The following C12orf56 variants were observed in gnomAD, a reference collection of about 807,000 sequenced individuals.
C12orf56 encodes uncharacterized protein C12orf56.
A neutral mutation model predicts 69.9 loss-of-function variants in C12orf56; 71 were observed. The observed-to-expected ratio is 1.02, with a 90% CI of 0.84 to 1.24. The LOEUF is 1.24. C12orf56 is among the 50% of genes most tolerant of loss of function. The pLI is 0.00. For missense variants in C12orf56, 732 were observed against 738.5 expected (o/e 0.99, Z 0.10); for synonymous variants, 276 against 274.1 (o/e 1.01, Z -0.07).
chr12:64,375,227 T>C (rs1045663870), intron 1 of C12orf56, among the ~76,000 whole-genome samples: 1 of 151,978 alleles, frequency 6.6e-6, no homozygotes, highest in Non-Finnish European at 1.5e-5. Context: ...CCAGCTAATT[T>C]TGTATTTTTA....
chr12:64,351,110 T>C (rs1449267379), intron 2 of C12orf56, among the ~76,000 whole-genome samples: 1 of 152,204 alleles, frequency 6.6e-6, no homozygotes, highest in Non-Finnish European at 1.5e-5. Context: ...ATTCTAGTTC[T>C]GAGAAACTAT....
chr12:64,314,640 A>G (rs2038666161), intron 4 of C12orf56, among the ~76,000 whole-genome samples: 1 of 151,070 alleles, frequency 6.6e-6, no homozygotes, highest in African/African-American at 2.4e-5. Flanking sequence ...CACTGCAGAC[A>G]AGCTTTTTTT....
chr12:64,340,871 A>G (rs2039065787), intron 2 of C12orf56, among the ~76,000 whole-genome samples: 1 of 152,094 alleles, frequency 6.6e-6, no homozygotes, highest in African/African-American at 2.4e-5. Flanking sequence ...CCAAACCTTC[A>G]TTCATGAAGG....
At position 64,390,648 on chromosome 12, in the gene C12orf56, C is replaced by A. The variant is rs1344591512; in HGVS notation, c.-83G>T. On this transcript the variant is annotated 5_prime_UTR_variant, in exon 1 of 13. Transcript: ENST00000543942. ...CCCCGCCCCCGCGCTGGAACCCGCG[C>A]GCCACAAAGCCGCCGGCCACGCGTC... is the stretch of plus-strand genomic sequence containing the variant. 10 of 1,372,532 alleles carry A rather than the reference C, an allele frequency of 7.3e-6. No homozygotes were observed. In the East Asian group the frequency reaches 8.9e-5, roughly 12 times the overall value. 85.0% of individuals were successfully genotyped at this position (1,372,532 alleles called of 1,614,324 possible). A position where few individuals can be genotyped will look rare whatever the true frequency, so the allele number is the denominator to read the frequency against.
chr12:64,265,953 C>T lies in C12orf56; in HGVS notation c.*1230G>A, dbSNP rs2037916617. On this transcript the variant is annotated 3_prime_UTR_variant, in exon 13 of 13. Transcript: ENST00000543942. Reference sequence around the variant, plus strand: ...TTCATAGAGACTCTATGGGACTACACAAATTAGCCCACAGATGCCTGAAAC... The same window carrying T: ...TTCATAGAGACTCTATGGGACTACATAAATTAGCCCACAGATGCCTGAAAC... 6.6e-6 allele frequency: 1 copy of T among 152,230 alleles called. No homozygotes were observed. Among genetic ancestry groups the T allele is most frequent in the Non-Finnish European group, 1.5e-5 (1 of 68,030 alleles). The allele number at this position is 152,230 out of a possible 1,614,324, so 9.4% of individuals were successfully genotyped here.
chr12:64,297,472 T>G (rs1038022693), intron 6 of C12orf56, among the ~76,000 whole-genome samples: 2 of 152,158 alleles, frequency 1.3e-5, no homozygotes, highest in Non-Finnish European at 2.9e-5. Flanking sequence ...CCATGGTGGT[T>G]TGCTGCACCC....
intron 5 of C12orf56, among the ~76,000 whole-genome samples, chr12:64,310,058 C>G (rs2038586084): frequency 6.6e-6 from 1 of 151,232 alleles, no homozygotes; most frequent in African/African-American, 2.4e-5. Flanking sequence ...CTCTCTGTCA[C>G]TCAGGCTGGA....
intron 2 of C12orf56, among the ~76,000 whole-genome samples, chr12:64,337,005 C>T (rs1269352187): frequency 6.6e-6 from 1 of 152,146 alleles, no homozygotes. Flanking sequence ...AAGTGACTTG[C>T]TTAAGGTCAC....
rs566525074 is a variant in C12orf56 at position 64,307,078 on chromosome 12, C to CCA, written c.969-3301_969-3300dup. The stretch of plus-strand genomic sequence containing the variant: ...CTTGCCTTCAGGAATAAATTTCAAG[C>CCA]CACACACACACAGAATTTGAGTCTG... On this transcript the variant is annotated intron_variant, in intron 5 of 12. Coordinates refer to ENST00000543942, the MANE Select transcript of C12orf56 (RefSeq NM_001170633.2). Among the ~76,000 whole-genome samples, 54 of 151,976 alleles carry CCA rather than the reference C, an allele frequency of 3.6e-4. No individual in the cohort carries two copies. The East Asian group carries it at 9.5e-3, about 27-fold the overall frequency.
intron 12 of C12orf56, among the ~76,000 whole-genome samples, chr12:64,270,153 T>C (rs2037962814): frequency 6.6e-6 from 1 of 151,856 alleles, no homozygotes; most frequent in South Asian, 2.1e-4. Context: ...ATCCCAGCAC[T>C]TTGGGAGGCT....
intron 1 of C12orf56, among the ~76,000 whole-genome samples, chr12:64,359,166 G>A (rs1208982733): frequency 6.6e-6 from 1 of 152,112 alleles, no homozygotes; most frequent in Non-Finnish European, 1.5e-5. Context: ...CAGAGGAAAG[G>A]ATAAAGTATC....
intron 3 of C12orf56, among the ~76,000 whole-genome samples, chr12:64,327,413 AC>A (rs1266772955): frequency 6.6e-6 from 1 of 152,212 alleles, no homozygotes; most frequent in African/African-American, 2.4e-5. Flanking sequence ...GCTCATATTT[AC>A]CTATGTAACA....
intron 1 of C12orf56, among the ~76,000 whole-genome samples, chr12:64,367,558 T>G (rs1327341487): frequency 6.7e-6 from 1 of 150,064 alleles, no homozygotes; most frequent in Admixed American, 6.7e-5. Flanking sequence ...CAGGCTAGAG[T>G]GCAGTGGCAT....
chr12:64,324,037 A>C (rs7957084), intron 3 of C12orf56, among the ~76,000 whole-genome samples: 39,471 of 152,150 alleles, frequency 0.26, 5,623 homozygotes, highest in Middle Eastern at 0.36. Context: ...CCCTCCCCGC[A>C]GAAGCTCATA....
chr12:64,367,812 T>A, intron 1 of C12orf56, among the ~76,000 whole-genome samples: 1 of 142,170 alleles, frequency 7.0e-6, no homozygotes, highest in East Asian at 2.0e-4. Flanking sequence ...CACTCTTTCT[T>A]TTTTTTTTTT....
chr12:64,269,139 C>CAA (rs5798737), intron 12 of C12orf56, among the ~76,000 whole-genome samples: 71,618 of 141,918 alleles, frequency 0.5, 18,264 homozygotes, highest in Middle Eastern at 0.58. Context: ...GACCCTGTGT[C>CAA]AAAAAAAAAA....
intron 1 of C12orf56, among the ~76,000 whole-genome samples, chr12:64,385,978 A>G (rs144185926): frequency 0.015 from 2,249 of 152,184 alleles, 49 homozygotes; most frequent in African/African-American, 0.05. Flanking sequence ...CCTGGGAAAC[A>G]TGGCAAGACC....
At chr12:64,306,102 A>G (rs2136810185) in intron 5 of C12orf56, among the ~76,000 whole-genome samples, 1 of 152,322 alleles carries the variant, frequency 6.6e-6, no homozygotes, top group South Asian at 2.1e-4. Flanking sequence ...AAAACAGCAT[A>G]CTAATCTCTT....
chr12:64,389,270 T>G (rs1052439139), intron 1 of C12orf56: 2 of 152,066 alleles, frequency 1.3e-5, no homozygotes, highest in African/African-American at 4.8e-5. Flanking sequence ...GTAAATCTAT[T>G]CCTGGACGAA....
Sources: gnomAD v4.1 joint callset for allele counts (sites outside exome capture counted in the v4.1 genomes callset) on GRCh38, gnomAD v4.1.1 for gene constraint, MANE v1.5 for transcripts, NCBI Gene and HGNC (gene_info 2026-07-23, HGNC 2026-07-21) for gene names.